NLGN4X: variants seen among roughly 807,000 people sequenced by gnomAD.
The protein encoded by NLGN4X is neuroligin-4, X-linked.
A neutral mutation model predicts 40.3 loss-of-function variants in NLGN4X; 3 were observed. The observed-to-expected ratio is 0.07, with a 90% CI of 0.03 to 0.19. The LOEUF is 0.19. Among genes scored for constraint, NLGN4X ranks in the 10% least tolerant of loss-of-function variants. The pLI is 1.00. For missense variants in NLGN4X, 382 were observed against 708.3 expected (o/e 0.54, Z 5.23); for synonymous variants, 270 against 306.8 (o/e 0.88, Z 1.25).
chrX:6,187,108 T>C (rs1297276596), intron 1 of NLGN4X: 1 of 105,070 alleles, frequency 9.5e-6, no homozygotes, highest in East Asian at 3.2e-4. Context: ...GCTAATTTTT[T>C]TGTATTTTTA....
chrX:5,930,892 CTG>C (rs2033522941), intron 3 of NLGN4X, among the ~76,000 whole-genome samples: 1 of 112,017 alleles, frequency 8.9e-6, no homozygotes, highest in African/African-American at 3.2e-5. Flanking sequence ...TTCCCTGTTG[CTG>C]TCTTTCCTGA....
chrX:6,048,642 C>T (rs577611598), intron 2 of NLGN4X, among the ~76,000 whole-genome samples: 2 of 111,592 alleles, frequency 1.8e-5, no homozygotes, highest in South Asian at 3.8e-4. Context: ...GGTACATATA[C>T]ACCATGGAAT....
At chrX:6,124,767 C>T (rs965543251) in intron 2 of NLGN4X, among the ~76,000 whole-genome samples, 25 of 111,873 alleles carry the variant, frequency 2.2e-4, no homozygotes, top group Admixed American at 1.8e-3. Flanking sequence ...GAAACCTATG[C>T]TCCTCAAAAC....
chrX:6,068,501 G>A (rs2147353983), intron 2 of NLGN4X, among the ~76,000 whole-genome samples: 1 of 111,715 alleles, frequency 9.0e-6, no homozygotes, highest in African/African-American at 3.3e-5. Context: ...CATGGGAGGA[G>A]GAGATAGGGA....
chrX:6,160,846 G>A (rs182518240), intron 1 of NLGN4X, among the ~76,000 whole-genome samples: 3,892 of 102,422 alleles, frequency 0.038, 166 homozygotes, highest in African/African-American at 0.13. Flanking sequence ...TATATTATAC[G>A]TATAGATATC....
intron 2 of NLGN4X, among the ~76,000 whole-genome samples, chrX:6,033,968 G>C (rs781010992): frequency 3.6e-5 from 4 of 112,482 alleles, no homozygotes; most frequent in African/African-American, 9.7e-5. Context: ...TTAAGGCAAA[G>C]GGAAAATACT....
intron 2 of NLGN4X, among the ~76,000 whole-genome samples, chrX:6,054,778 C>T (rs61498160): frequency 0.042 from 4,616 of 110,509 alleles, 218 homozygotes; most frequent in African/African-American, 0.13. Context: ...CTGCCTCAGC[C>T]TCCCGAGTAG....
chrX:6,098,564 GAAGA>G, intron 2 of NLGN4X, among the ~76,000 whole-genome samples: 1 of 111,161 alleles, frequency 9.0e-6, no homozygotes, highest in South Asian at 3.9e-4. Context: ...AAGAATGAAA[GAAGA>G]AAGAAGTCTA....
At chrX:6,076,252 G>A (rs746553163) in intron 2 of NLGN4X, among the ~76,000 whole-genome samples, 1 of 112,319 alleles carries the variant, frequency 8.9e-6, no homozygotes, top group East Asian at 2.8e-4. Context: ...AAATACTGCA[G>A]TAGGAATTAA....
intron 3 of NLGN4X, among the ~76,000 whole-genome samples, chrX:5,960,153 T>A (rs1169639687): frequency 9.1e-6 from 1 of 110,323 alleles, no homozygotes; most frequent in African/African-American, 3.3e-5. Context: ...TTAAGTTCAA[T>A]CAATATTACA....
intron 3 of NLGN4X, among the ~76,000 whole-genome samples, chrX:5,941,061 G>A (rs1367711399): frequency 9.3e-6 from 1 of 107,703 alleles, no homozygotes; most frequent in African/African-American, 3.4e-5. Context: ...TCAGGAGGTC[G>A]AGGCTGCAGT....
chrX:6,140,457 G>GACAC lies in NLGN4X; in HGVS notation c.472+10534_472+10537dup, dbSNP rs34281533. On this transcript the variant is annotated intron_variant, in intron 2 of 5. Coordinates refer to ENST00000381095, the MANE Select transcript of NLGN4X (RefSeq NM_181332.3). ...TTTCCTTCAATAGCATTCACACACA[G>GACAC]ACACACACACACACACACACACACA... is the stretch of plus-strand genomic sequence containing the variant. Among the ~76,000 whole-genome samples, 367 of 96,009 alleles carry GACAC rather than the reference G, an allele frequency of 3.8e-3. 1 individual carries two copies. The highest frequency in any genetic ancestry group is 8.4e-3 in the African/African-American group (228 of 27,082). 83.4% of individuals were successfully genotyped at this position (96,009 alleles called of 115,157 possible). A position where few individuals can be genotyped will look rare whatever the true frequency, so the allele number is the denominator to read the frequency against.
chrX:6,171,851 G>A (rs190578941), intron 1 of NLGN4X, among the ~76,000 whole-genome samples: 1 of 111,471 alleles, frequency 9.0e-6, no homozygotes, highest in East Asian at 2.8e-4. Context: ...CTGGTGGGAG[G>A]TGATGGCATC....
At chrX:5,922,289 G>A (rs958135525) in intron 3 of NLGN4X, among the ~76,000 whole-genome samples, 2 of 111,061 alleles carry the variant, frequency 1.8e-5, no homozygotes, top group African/African-American at 6.6e-5. Flanking sequence ...TAGCACTGCA[G>A]GGTGACTGTA....
At chrX:6,054,783 G>A (rs1472137362) in intron 2 of NLGN4X, among the ~76,000 whole-genome samples, 6 of 110,367 alleles carry the variant, frequency 5.4e-5, no homozygotes, top group Non-Finnish European at 7.6e-5. Context: ...TCAGCCTCCC[G>A]AGTAGCTGGG....
chrX:6,029,459 C>T (rs770798722), intron 2 of NLGN4X, 27 bp from the exon 3 acceptor site: 9 of 1,192,432 alleles, frequency 7.5e-6, no homozygotes, highest in Non-Finnish European at 1.0e-5. Context: ...AGTAAGGAAA[C>T]ACAATAAAGA....
rs1157468420 is a variant in NLGN4X, at chrX:6,116,391, C to CTTTTTTTTTTTTTTTT, written c.472+34588_472+34603dup. On this transcript the variant is annotated intron_variant, in intron 2 of 5. Coordinates refer to ENST00000381095, the MANE Select transcript of NLGN4X (RefSeq NM_181332.3). Reference sequence around the variant, plus strand: ...ACAAGTAGGTATTGAACCTTTCTTTCTTTTTTTTTTTTTTTTTTTTTTTTT... The same window carrying CTTTTTTTTTTTTTTTT: ...ACAAGTAGGTATTGAACCTTTCTTTCTTTTTTTTTTTTTTTTTTTTTTTTTTTTTTTTTTTTTTTTT... Among the ~76,000 whole-genome samples the CTTTTTTTTTTTTTTTT allele has an allele frequency of 4.5e-4, 10 of 22,288 alleles. 2 individuals carry two copies. Among genetic ancestry groups the CTTTTTTTTTTTTTTTT allele is most frequent in the African/African-American group, 1.9e-3 (10 of 5,353 alleles). The allele number at this position is 22,288 out of a possible 115,157, so 19.4% of individuals were successfully genotyped here. A position where few individuals can be genotyped will look rare whatever the true frequency, so the allele number is the denominator to read the frequency against.
chrX:6,108,348 AT>A (rs2039075389), intron 2 of NLGN4X, among the ~76,000 whole-genome samples: 1 of 111,746 alleles, frequency 8.9e-6, no homozygotes, highest in African/African-American at 3.3e-5. Context: ...ATTAAATATT[AT>A]TTTTTGTAGA....
chrX:5,996,335 T>C, intron 3 of NLGN4X, among the ~76,000 whole-genome samples: 1 of 112,262 alleles, frequency 8.9e-6, no homozygotes, highest in Non-Finnish European at 1.9e-5. Context: ...TTTCCTCTCA[T>C]CCTTGCCTTT....
Sources: allele counts gnomAD v4.1 joint callset (sites outside exome capture counted in the v4.1 genomes callset), GRCh38; gene constraint gnomAD v4.1.1; transcripts MANE v1.5; gene names NCBI Gene and HGNC (gene_info 2026-07-23, HGNC 2026-07-21).